METTL13: variants seen among roughly 807,000 people sequenced by gnomAD.
METTL13 encodes the protein methyltransferase 13, eEF1A N-terminus and K55.
Under a neutral mutation model 67.4 loss-of-function variants are expected in METTL13, and 52 were observed. That is an observed-to-expected ratio of 0.77 (90% CI 0.62 to 0.97). The LOEUF (loss-of-function observed/expected upper bound fraction) is 0.97. Among genes scored for constraint, METTL13 ranks in the 50% least tolerant of loss-of-function variants. The pLI is 0.00. For missense variants in METTL13, 825 were observed against 889.6 expected (o/e 0.93, Z 0.92); for synonymous variants, 354 against 353.6 (o/e 1.00, Z -0.01).
intron 7 of METTL13, among the ~76,000 whole-genome samples, chr1:171,795,436 CCA>C (rs1464497344): frequency 1.3e-5 from 2 of 152,174 alleles, no homozygotes; most frequent in African/African-American, 4.8e-5. Flanking sequence ...GTAGATGCTA[CCA>C]CACAGTTTTA....
In METTL13 at chr1:171,794,605, A is replaced by G. The variant is rs1056743940; in HGVS notation, c.1825+78A>G. On this transcript the variant is annotated intron_variant, in intron 7 of 7. Coordinates refer to ENST00000361735, the MANE Select transcript of METTL13 (RefSeq NM_015935.5). ...ATTATCTTTTTAATGAAAAATGCACAGAAGTGCGAGCTCGATCAATTTTTC... is the reference window on the plus strand; with the variant it reads ...ATTATCTTTTTAATGAAAAATGCACGGAAGTGCGAGCTCGATCAATTTTTC... 15 of 1,590,812 alleles carry G rather than the reference A, an allele frequency of 9.4e-6. No individual in the cohort carries two copies. In the Admixed American group the frequency reaches 1.0e-4, roughly 11 times the overall value.
At position 171,781,786 on chromosome 1, in the gene METTL13, C is replaced by G; in HGVS notation, c.-182C>G. 1 of 1,415,498 alleles carries G rather than the reference C, an allele frequency of 7.1e-7. No homozygotes were observed. The highest frequency in any genetic ancestry group is 9.2e-7 in the Non-Finnish European group (1 of 1,084,820). The allele number at this position is 1,415,498 out of a possible 1,614,324, so 87.7% of individuals were successfully genotyped here. The stretch of plus-strand genomic sequence containing the variant: ...TGTGAGATTCAGTGGTCCATGCGTG[C>G]GTTTGTCGTGTAAGGGTCATTCCTG... On this transcript the variant is annotated 5_prime_UTR_variant, in exon 1 of 8. Coordinates refer to ENST00000361735, the MANE Select transcript of METTL13 (RefSeq NM_015935.5).
At chr1:171,794,286 C>G in intron 6 of METTL13, 110 bp from the exon 7 acceptor site, 1 of 1,489,698 alleles carries the variant, frequency 6.7e-7, no homozygotes, top group Non-Finnish European at 9.2e-7. Context: ...TGTCATCCTT[C>G]TAACTTAGTC....
At chr1:171,786,981 C>A (rs1657037403) in intron 3 of METTL13, among the ~76,000 whole-genome samples, 1 of 151,918 alleles carries the variant, frequency 6.6e-6, no homozygotes, top group Non-Finnish European at 1.5e-5. Flanking sequence ...CTCCTGGGTT[C>A]CTGGCCTGTG....
chr1:171,790,462 G>GCGGAAAAA lies in METTL13; in HGVS notation c.1321_1328dup (p.Lys443AsnfsTer38). ...ATATCTCTTGTTTAGCCCAGAAGAA[G>GCGGAAAAA]CGGAAAAAGGACAGGAAGAAGCAGC... On this transcript the variant is annotated frameshift_variant, in exon 5 of 8. Transcript: ENST00000361735. LOFTEE classifies it high-confidence loss of function. The GCGGAAAAA allele has an allele frequency of 6.3e-7, 1 of 1,596,986 alleles. No homozygotes were observed. Among genetic ancestry groups the GCGGAAAAA allele is most frequent in the Non-Finnish European group, 8.5e-7 (1 of 1,173,536 alleles).
Position 171,784,292 on chromosome 1 carries a change from C to T in METTL13, c.706C>T (p.Leu236=), listed in dbSNP as rs1571163642. ...CAQEQRKPVR[L]ESAERLAEAV... Reference sequence around the variant, plus strand: ...TCAGGAGCAGCGCAAGCCTGTGCGGCTGGAGAGTGCCGAGCGGCTGGCCGA... The same window carrying T: ...TCAGGAGCAGCGCAAGCCTGTGCGGTTGGAGAGTGCCGAGCGGCTGGCCGA... The change falls in exon 2 of 8, where the codon CTG becomes TTG. Residue 236 remains leucine, a synonymous_variant. Coordinates refer to ENST00000361735, the MANE Select transcript of METTL13 (RefSeq NM_015935.5). The T allele has an allele frequency of 6.2e-7, 1 of 1,611,732 alleles. No individual in the cohort carries two copies. The highest frequency in any genetic ancestry group is 8.5e-7 in the Non-Finnish European group (1 of 1,178,436).
At chr1:171,782,947 C>A (rs1366595235) in intron 1 of METTL13, among the ~76,000 whole-genome samples, 2 of 151,994 alleles carry the variant, frequency 1.3e-5, no homozygotes, top group Non-Finnish European at 2.9e-5. Flanking sequence ...ATGTGCCAAG[C>A]CTTATGTTGG....
Position 171,781,913 on chromosome 1 carries a change from T to C in METTL13, c.-55T>C. On this transcript the variant is annotated 5_prime_UTR_variant, in exon 1 of 8. The change abolishes an upstream ATG in the 5' untranslated region. Coordinates refer to ENST00000361735, the MANE Select transcript of METTL13 (RefSeq NM_015935.5). ...GCGTGTGGTGGGCAAGCTCCTCAAA[T>C]GGTATCTCACAGGGAATAGGGGAGT... 3 of 1,603,824 alleles carry C rather than the reference T, an allele frequency of 1.9e-6. No individual in the cohort carries two copies. The highest frequency in any genetic ancestry group is 2.6e-6 in the Non-Finnish European group (3 of 1,174,258).
intron 4 of METTL13, among the ~76,000 whole-genome samples, chr1:171,788,945 T>C (rs1435739382): frequency 6.6e-6 from 1 of 152,182 alleles, no homozygotes; most frequent in Non-Finnish European, 1.5e-5. Flanking sequence ...AGCGAAATGG[T>C]ATTTTTCTTT....
At chr1:171,795,434 T>A (rs1657335974) in intron 7 of METTL13, among the ~76,000 whole-genome samples, 1 of 152,244 alleles carries the variant, frequency 6.6e-6, no homozygotes, top group Non-Finnish European at 1.5e-5. Flanking sequence ...TTGTAGATGC[T>A]ACCACACAGT....
At chr1:171,795,923 A>T (rs1657354881) in intron 7 of METTL13, among the ~76,000 whole-genome samples, 3 of 151,988 alleles carry the variant, frequency 2.0e-5, no homozygotes, top group Admixed American at 2.0e-4. Flanking sequence ...GCTCACTGCA[A>T]CCTCTGCCTC....
chr1:171,794,250 C>T (rs1657294742), intron 6 of METTL13, 146 bp from the exon 7 acceptor site: 1 of 1,182,322 alleles, frequency 8.5e-7, no homozygotes, highest in Non-Finnish European at 1.2e-6. Flanking sequence ...GACATCAGTG[C>T]CCTTACAGGC....
chr1:171,784,082 A>G lies in METTL13; in HGVS notation c.496A>G (p.Ile166Val), dbSNP rs1198916058. 1.2e-6 allele frequency: 2 copies of G among 1,614,246 alleles called. No individual in the cohort carries two copies. The highest frequency in any genetic ancestry group is 1.3e-5 in the African/African-American group (1 of 75,062). Reference protein sequence around the residue: ...YLCISLAQAHILKKAVGHFSR... With the variant: ...YLCISLAQAHVLKKAVGHFSR... Reference sequence around the variant, plus strand: ...CTGCATCTCCCTGGCTCAGGCTCACATCCTGAAGAAAGCAGTGGGCCACTT... The same window carrying G: ...CTGCATCTCCCTGGCTCAGGCTCACGTCCTGAAGAAAGCAGTGGGCCACTT... Residue 166 changes from isoleucine (I) to valine (V), a missense_variant, in exon 2 of 8, where the codon ATC (isoleucine) becomes GTC (valine). Transcript: ENST00000361735.
Position 171,781,717 on chromosome 1 carries a change from C to G in METTL13, c.-251C>G, listed in dbSNP as rs1359497352. 8.0e-7 allele frequency: 1 copy of G among 1,249,712 alleles called. No individual in the cohort carries two copies. Among genetic ancestry groups the G allele is most frequent in the Non-Finnish European group, 1.0e-6 (1 of 972,534 alleles). The allele number at this position is 1,249,712 out of a possible 1,614,324, so 77.4% of individuals were successfully genotyped here. On this transcript the variant is annotated 5_prime_UTR_variant, in exon 1 of 8. Transcript: ENST00000361735. ...TTCGGGAAAAGTGTGAGGGGCTCTT[C>G]ACGTGGGGAAGGAACAGCAGGCGCG... is the stretch of plus-strand genomic sequence containing the variant.
intron 3 of METTL13, among the ~76,000 whole-genome samples, chr1:171,786,567 C>G (rs1290138821): frequency 6.6e-6 from 1 of 152,226 alleles, no homozygotes. Context: ...ATGGTATTAT[C>G]AGTTAACACC....
intron 4 of METTL13, among the ~76,000 whole-genome samples, chr1:171,788,591 C>T (rs930184362): frequency 5.9e-5 from 9 of 152,106 alleles, no homozygotes; most frequent in African/African-American, 2.2e-4. Flanking sequence ...TTTAAGTGGT[C>T]TCCCAGCTGT....
chr1:171,787,442 T>C (rs1012218927), intron 3 of METTL13, among the ~76,000 whole-genome samples: 1 of 152,168 alleles, frequency 6.6e-6, no homozygotes, highest in African/African-American at 2.4e-5. Flanking sequence ...AGAGTTCTTT[T>C]AGGGGTTACT....
chr1:171,785,994 G>A lies in METTL13; in HGVS notation c.1029G>A (p.Gln343=), dbSNP rs1457204213. 1 of 1,614,048 alleles carries A rather than the reference G, an allele frequency of 6.2e-7. No homozygotes were observed. The highest frequency in any genetic ancestry group is 1.1e-5 in the South Asian group (1 of 91,046). Reference sequence around the variant, plus strand: ...CAGTGGCCCTTCACCGAGGTCAGCAGTATGAAAGCATGGACCACATCCAAG... The same window carrying A: ...CAGTGGCCCTTCACCGAGGTCAGCAATATGAAAGCATGGACCACATCCAAG... ...LITVALHRGQ[Q]YESMDHIQAE... is the part of the protein sequence containing the mutation. The change falls in exon 3 of 8, where the codon CAG becomes CAA. Residue 343 remains glutamine, a synonymous_variant. Coordinates refer to ENST00000361735, the MANE Select transcript of METTL13 (RefSeq NM_015935.5).
chr1:171,787,617 T>A, intron 3 of METTL13, 118 bp from the exon 4 acceptor site: 1 of 836,718 alleles, frequency 1.2e-6, no homozygotes, highest in Non-Finnish European at 1.8e-6. Context: ...ATCTGTGGAG[T>A]AGTTGTTGTC....
Sources: gnomAD v4.1 joint callset for allele counts (sites outside exome capture counted in the v4.1 genomes callset) on GRCh38, gnomAD v4.1.1 for gene constraint, MANE v1.5 for transcripts, NCBI Gene and HGNC (gene_info 2026-07-23, HGNC 2026-07-21) for gene names.